The following FNIP1 variants were observed in gnomAD, a reference collection of about 807,000 sequenced individuals.
FNIP1 encodes the protein folliculin-interacting protein 1.
A neutral mutation model predicts 124.5 loss-of-function variants in FNIP1; 40 were observed. The ratio of observed to expected loss-of-function variants is 0.32; its 90% CI spans 0.25 to 0.42. FNIP1 has a LOEUF of 0.42. Ranked by LOEUF, FNIP1 falls within the 10% of genes least tolerant of loss-of-function variation. The pLI is 1.00. For missense variants in FNIP1, 1,176 were observed against 1,403.7 expected, an observed-to-expected ratio of 0.84 and a Z score of 2.59; for synonymous variants, 472 against 470.6, an observed-to-expected ratio of 1.00 and a Z score of -0.04.
At chr5:131,719,238 G>T in intron 4 of FNIP1, 79 bp downstream of exon 4, 1 of 1,299,548 alleles carries the variant, frequency 7.7e-7, no homozygotes, top group African/African-American at 1.5e-5. Flanking sequence ...TCTGAGTGAA[G>T]ATCATATAAA....
chr5:131,705,883 G>A (rs1205351378), intron 9 of FNIP1, among the ~76,000 whole-genome samples: 1 of 152,144 alleles, frequency 6.6e-6, no homozygotes, highest in Non-Finnish European at 1.5e-5. Context: ...ACAAAATGTG[G>A]TATGTATATA....
At chr5:131,656,204 C>A (rs1217712450) in intron 15 of FNIP1, among the ~76,000 whole-genome samples, 2 of 152,148 alleles carry the variant, frequency 1.3e-5, no homozygotes, top group African/African-American at 2.4e-5. Context: ...ACTAGTGATG[C>A]TGGAAATGCT....
chr5:131,752,538 TAAAAA>T lies in FNIP1; in HGVS notation c.93-7853_93-7849del, dbSNP rs70974009. 2.2e-5 allele frequency among the ~76,000 whole-genome samples: 3 copies of T among 136,788 alleles called. No homozygotes were observed. In the East Asian group the frequency reaches 6.6e-4, roughly 30 times the overall value. The allele number at this position is 136,788 out of a possible 152,430, so 89.7% of individuals were successfully genotyped here. A position where few individuals can be genotyped will look rare whatever the true frequency, so the allele number is the denominator to read the frequency against. On this transcript the variant is annotated intron_variant, in intron 1 of 17. Transcript: ENST00000510461. ...TATAAAAATTTTAAACCTGAACATCTAAAAAAAAAAAAAAAGACCAGTCCAGAGAT... is the reference window on the plus strand; with the variant it reads ...TATAAAAATTTTAAACCTGAACATCTAAAAAAAAAAGACCAGTCCAGAGAT...
intron 15 of FNIP1, among the ~76,000 whole-genome samples, chr5:131,666,527 A>C (rs1418061389): frequency 1.3e-5 from 2 of 152,210 alleles, no homozygotes; most frequent in Admixed American, 6.5e-5. Context: ...CATCAGTTTT[A>C]GTAACAGTAT....
At chr5:131,726,287 A>G (rs752701119) in intron 3 of FNIP1, among the ~76,000 whole-genome samples, 11 of 151,958 alleles carry the variant, frequency 7.2e-5, no homozygotes, top group Non-Finnish European at 1.6e-4. Flanking sequence ...TCCTCGTTGT[A>G]CCTCTGGTAG....
At chr5:131,713,011 T>G (rs1394595340) in intron 6 of FNIP1, among the ~76,000 whole-genome samples, 1 of 152,156 alleles carries the variant, frequency 6.6e-6, no homozygotes, top group Non-Finnish European at 1.5e-5. Flanking sequence ...TGTAACACAC[T>G]CTCTGTATTT....
Position 131,642,164 on chromosome 5 carries a change from G to A in FNIP1, c.*2521C>T, listed in dbSNP as rs1371835867. The A allele has an allele frequency of 6.6e-6, 1 of 152,572 alleles. No individual in the cohort carries two copies. Among genetic ancestry groups the A allele is most frequent in the Non-Finnish European group, 1.5e-5 (1 of 67,996 alleles). 9.5% of individuals were successfully genotyped at this position (152,572 alleles called of 1,614,324 possible). A position where few individuals can be genotyped will look rare whatever the true frequency, so the allele number is the denominator to read the frequency against. On this transcript the variant is annotated 3_prime_UTR_variant, in exon 18 of 18. Coordinates refer to ENST00000510461, the MANE Select transcript of FNIP1 (RefSeq NM_133372.3). ...GTAACAACTGTCTGTACCATAACTT[G>A]TAAAAATTATTTAGAACAAGCCAAA...
At chr5:131,695,494 G>A (rs1768663517) in intron 11 of FNIP1, among the ~76,000 whole-genome samples, 1 of 152,176 alleles carries the variant, frequency 6.6e-6, no homozygotes, top group Non-Finnish European at 1.5e-5. Flanking sequence ...TATTCAGCCT[G>A]TGCAGGTCTA....
At chr5:131,723,144 AT>A (rs887895305) in intron 3 of FNIP1, among the ~76,000 whole-genome samples, 1 of 152,108 alleles carries the variant, frequency 6.6e-6, no homozygotes, top group African/African-American at 2.4e-5. Context: ...GGAGCAGAAA[AT>A]TTTTTTAATG....
chr5:131,752,906 TA>T (rs373462440), intron 1 of FNIP1, among the ~76,000 whole-genome samples: 91 of 151,014 alleles, frequency 6.0e-4, no homozygotes, highest in African/African-American at 2.0e-3. Context: ...CCAACTCTAC[TA>T]AAAAAAAATA....
intron 11 of FNIP1, among the ~76,000 whole-genome samples, chr5:131,688,318 A>G (rs1017273132): frequency 2.0e-5 from 3 of 151,666 alleles, no homozygotes; most frequent in Admixed American, 2.0e-4. Flanking sequence ...ACTATGGGAA[A>G]GTGAGGCTTC....
At chr5:131,651,754 G>A in intron 16 of FNIP1, 48 bp downstream of exon 16, 1 of 1,539,788 alleles carries the variant, frequency 6.5e-7, no homozygotes, top group Non-Finnish European at 8.9e-7. Flanking sequence ...AATGATGAAA[G>A]CTTTAAGCAG....
chr5:131,743,904 A>C (rs761667000), intron 2 of FNIP1, among the ~76,000 whole-genome samples: 10 of 152,192 alleles, frequency 6.6e-5, no homozygotes, highest in Non-Finnish European at 1.2e-4. Flanking sequence ...GGAAAAAGTA[A>C]AGAAAAATTA....
chr5:131,700,214 C>T (rs962205161), intron 10 of FNIP1, among the ~76,000 whole-genome samples: 1 of 151,886 alleles, frequency 6.6e-6, no homozygotes, highest in Admixed American at 6.6e-5. Flanking sequence ...GATCTCTTGA[C>T]CTTGTGATCC....
chr5:131,722,811 G>A (rs994742807), intron 3 of FNIP1, among the ~76,000 whole-genome samples: 2 of 152,074 alleles, frequency 1.3e-5, no homozygotes, highest in Admixed American at 6.6e-5. Context: ...TCAGCATCCC[G>A]AGTAGCTGGC....
At chr5:131,709,146 A>G in intron 8 of FNIP1, 55 bp downstream of exon 8, 1 of 1,453,852 alleles carries the variant, frequency 6.9e-7, no homozygotes, top group Non-Finnish European at 9.6e-7. Context: ...ATAAAAAAGA[A>G]AATCAATGCC....
At chr5:131,719,770 T>G (rs897079887) in intron 3 of FNIP1, among the ~76,000 whole-genome samples, 7 of 152,214 alleles carry the variant, frequency 4.6e-5, no homozygotes, top group African/African-American at 1.7e-4. Flanking sequence ...CCACATCTTA[T>G]GCATATGCAA....
At position 131,767,427 on chromosome 5, in the gene FNIP1, CAAAAAAAAAAAAA is replaced by C. The variant is rs139550903; in HGVS notation, c.93-22750_93-22738del. ...CTGGTGACAGAGTGAGATTCTGTCT[CAAAAAAAAAAAAA>C]AAAAAAAAAAAAAAAAGAAAAGAAA... On this transcript the variant is annotated intron_variant, in intron 1 of 17. Coordinates refer to ENST00000510461, the MANE Select transcript of FNIP1 (RefSeq NM_133372.3). 2.9e-3 allele frequency among the ~76,000 whole-genome samples: 183 copies of C among 64,028 alleles called. 1 individual carries two copies. The South Asian group carries it at 0.036, about 12-fold the overall frequency. 42.0% of individuals were successfully genotyped at this position (64,028 alleles called of 152,430 possible).
chr5:131,670,654 A>C, intron 14 of FNIP1, 23 bp from the exon 15 acceptor site: 1 of 1,565,156 alleles, frequency 6.4e-7, no homozygotes, highest in East Asian at 2.3e-5. Context: ...TGCCCCCAAA[A>C]GACATTTATT....
Sources: gnomAD v4.1 joint callset for allele counts (sites outside exome capture counted in the v4.1 genomes callset) on GRCh38, gnomAD v4.1.1 for gene constraint, MANE v1.5 for transcripts, NCBI Gene and HGNC (gene_info 2026-07-23, HGNC 2026-07-21) for gene names.